Variants in TMCO5A observed in about 807,000 individuals in gnomAD.
The protein encoded by TMCO5A is transmembrane and coiled-coil domains 5A.
In TMCO5A, 34 loss-of-function variants were observed where a neutral mutation model predicts 42.3. That is an observed-to-expected ratio of 0.80 (90% confidence interval 0.61 to 1.07). The LOEUF (loss-of-function observed/expected upper bound fraction) is 1.07. Among genes scored for constraint, TMCO5A ranks in the 50% least tolerant of loss-of-function variants. TMCO5A has a pLI of 0.00. For synonymous variants in TMCO5A, 131 were observed against 115.6 expected (o/e 1.13, Z -0.86); for missense variants, 357 against 327.9 (o/e 1.09, Z -0.69).
At chr15:38,005,395 CAAAAAAAA>C in the TMCO5A span, among the ~76,000 whole-genome samples, 3 of 44,038 alleles carry the variant, frequency 6.8e-5, no homozygotes, top group East Asian at 1.3e-3. Context: ...CCATCTCTAC[CAAAAAAAA>C]AAAAAAAAAA....
At chr15:38,033,247 A>G in the TMCO5A span, among the ~76,000 whole-genome samples, 613 of 152,294 alleles carry the variant, frequency 4.0e-3, 3 homozygotes, top group African/African-American at 0.014. Flanking sequence ...TGAGTCAGAT[A>G]AGATGATTAT....
chr15:37,938,056 G>A (rs1889587824), intron 5 of TMCO5A, 102 bp from the exon 6 acceptor site: 1 of 933,178 alleles, frequency 1.1e-6, no homozygotes, highest in Admixed American at 2.4e-5. Context: ...ACCATATCCT[G>A]GAAAGGTTTA....
the TMCO5A span, among the ~76,000 whole-genome samples, chr15:37,999,911 T>C: frequency 6.6e-6 from 1 of 152,192 alleles, no homozygotes; most frequent in African/African-American, 2.4e-5. Flanking sequence ...TAATGTGTTG[T>C]TGAATTTGGT....
At chr15:38,008,179 G>A in the TMCO5A span, among the ~76,000 whole-genome samples, 29 of 152,032 alleles carry the variant, frequency 1.9e-4, no homozygotes, top group Non-Finnish European at 2.9e-4. Flanking sequence ...ACAGGCGTGA[G>A]CCACCGTGCC....
chr15:37,982,746 AAATATAT>A, the TMCO5A span, among the ~76,000 whole-genome samples: 2 of 144,656 alleles, frequency 1.4e-5, no homozygotes, highest in African/African-American at 2.5e-5. Context: ...AAATATATAT[AAATATAT>A]AATATATAAA....
At chr15:38,012,776 T>C in the TMCO5A span, among the ~76,000 whole-genome samples, 3 of 152,182 alleles carry the variant, frequency 2.0e-5, no homozygotes, top group African/African-American at 7.2e-5. Context: ...TTCGGCTTCC[T>C]GTCCTAGTAT....
the TMCO5A span, among the ~76,000 whole-genome samples, chr15:38,026,145 G>T: frequency 3.3e-5 from 5 of 152,330 alleles, no homozygotes; most frequent in South Asian, 1.0e-3. Flanking sequence ...TTTGAAACTG[G>T]ATGACAGGCA....
chr15:37,938,519 G>A (rs1356204505), intron 6 of TMCO5A, among the ~76,000 whole-genome samples: 1 of 152,132 alleles, frequency 6.6e-6, no homozygotes, highest in Non-Finnish European at 1.5e-5. Flanking sequence ...AAATAATTTG[G>A]TGTGTGAAGT....
chr15:37,986,259 C>G, the TMCO5A span, among the ~76,000 whole-genome samples: 1 of 151,964 alleles, frequency 6.6e-6, no homozygotes, highest in African/African-American at 2.4e-5. Flanking sequence ...CTAGTGATTA[C>G]TCAGCTTCTG....
rs763074812 is a variant in TMCO5A, at chr15:37,947,639, A to C, written c.628-17A>C. On this transcript the variant is annotated splice_polypyrimidine_tract_variant and intron_variant, in intron 10 of 11. Transcript: ENST00000319669. ...CTCCAGAAATTGCTTATTTATCAAT[A>C]TCCTTTCTTCTTCCAGGGTACTCCT... 3.8e-6 allele frequency: 6 copies of C among 1,571,306 alleles called. No homozygotes were observed. In the Admixed American group the frequency reaches 1.0e-4, roughly 27 times the overall value.
At chr15:38,023,952 T>A in the TMCO5A span, among the ~76,000 whole-genome samples, 2 of 152,194 alleles carry the variant, frequency 1.3e-5, no homozygotes, top group African/African-American at 4.8e-5. Context: ...TCCAGAAAGA[T>A]CTCAGAGCTT....
At chr15:37,938,014 G>A in intron 5 of TMCO5A, 144 bp from the exon 6 acceptor site, 1 of 692,306 alleles carries the variant, frequency 1.4e-6, no homozygotes, top group Non-Finnish European at 2.5e-6. Flanking sequence ...GAACAAAGAT[G>A]TTTCCACAGG....
Position 37,943,502 on chromosome 15 carries a change from G to T in TMCO5A, c.627+104G>T, listed in dbSNP as rs552152608. ...AAATATATACCCAATCTTGCCATGC[G>T]CATTTTCCAAGAACAGTACCAGCTA... On this transcript the variant is annotated intron_variant, in intron 10 of 11. Transcript: ENST00000319669. 19 of 1,133,806 alleles carry T rather than the reference G, an allele frequency of 1.7e-5. 1 individual carries two copies. The South Asian group carries it at 2.1e-4, about 13-fold the overall frequency. 70.2% of individuals were successfully genotyped at this position (1,133,806 alleles called of 1,614,324 possible). A position where few individuals can be genotyped will look rare whatever the true frequency, so the allele number is the denominator to read the frequency against.
At chr15:38,027,113 G>C in the TMCO5A span, among the ~76,000 whole-genome samples, 1 of 152,070 alleles carries the variant, frequency 6.6e-6, no homozygotes, top group South Asian at 2.1e-4. Context: ...GTGAGAAGAG[G>C]GCCACTGTCC....
chr15:37,953,413 C>T (rs371533393), downstream of TMCO5A, among the ~76,000 whole-genome samples: 28 of 152,172 alleles, frequency 1.8e-4, no homozygotes, highest in East Asian at 5.8e-4. Flanking sequence ...AAAGAGAATA[C>T]GAACCTTTGC....
At chr15:37,983,177 T>G in the TMCO5A span, among the ~76,000 whole-genome samples, 1 of 152,208 alleles carries the variant, frequency 6.6e-6, no homozygotes, top group Non-Finnish European at 1.5e-5. Context: ...GACACTCACC[T>G]TTCCCCCTTA....
chr15:37,986,975 C>A, the TMCO5A span, among the ~76,000 whole-genome samples: 1 of 151,984 alleles, frequency 6.6e-6, no homozygotes, highest in Admixed American at 6.6e-5. Context: ...TTTTAAGGAA[C>A]CACCATACTG....
the TMCO5A span, among the ~76,000 whole-genome samples, chr15:38,014,264 C>T: frequency 2.0e-5 from 3 of 152,108 alleles, no homozygotes; most frequent in Admixed American, 6.6e-5. Context: ...AAATTAAAGT[C>T]TCTTGGATAT....
chr15:37,984,681 C>CTTT, the TMCO5A span: 7 of 41,874 alleles, frequency 1.7e-4, no homozygotes, highest in African/African-American at 3.1e-4. Flanking sequence ...GAACATTTGT[C>CTTT]TTTTTTTTTT....
Sources: gnomAD v4.1 joint callset for allele counts (sites outside exome capture counted in the v4.1 genomes callset) on GRCh38, gnomAD v4.1.1 for gene constraint, MANE v1.5 for transcripts, NCBI Gene and HGNC (gene_info 2026-07-23, HGNC 2026-07-21) for gene names.